SOX5: variants seen among roughly 807,000 people sequenced by gnomAD.
The protein encoded by SOX5 is transcription factor SOX-5.
Under a neutral mutation model 92.0 loss-of-function variants are expected in SOX5, and 9 were observed. The observed-to-expected ratio is 0.10, with a 90% CI of 0.06 to 0.17. SOX5 has a LOEUF of 0.17. Among genes scored for constraint, SOX5 ranks in the 10% least tolerant of loss-of-function variants. The pLI is 1.00. For synonymous variants in SOX5, 344 were observed against 336.3 expected (o/e 1.02, Z -0.25); for missense variants, 642 against 944.5 (o/e 0.68, Z 4.20).
intron 3 of SOX5, among the ~76,000 whole-genome samples, chr12:23,844,959 A>G (rs2136017327): frequency 6.6e-6 from 1 of 152,322 alleles, no homozygotes; most frequent in South Asian, 2.1e-4. Flanking sequence ...TTCTCAGATC[A>G]TGAGAACTGC....
intron 1 of SOX5, among the ~76,000 whole-genome samples, chr12:24,506,361 A>T (rs942263187): frequency 6.6e-6 from 1 of 151,998 alleles, no homozygotes; most frequent in South Asian, 2.1e-4. Flanking sequence ...AAATTTTGAA[A>T]CATTCGAAAA....
At chr12:24,401,962 A>G (rs2136651265) in intron 1 of SOX5, among the ~76,000 whole-genome samples, 1 of 152,264 alleles carries the variant, frequency 6.6e-6, no homozygotes, top group Non-Finnish European at 1.5e-5. Context: ...TACTCACATA[A>G]AGGATTTACA....
In SOX5 at chr12:24,335,721, C is replaced by T. The variant is rs536359478; in HGVS notation, c.-174+32842G>A. On this transcript the variant is annotated intron_variant, in intron 2 of 4. Coordinates refer to the SOX5 transcript ENST00000446891. ...GAAGACAGTGCTGGCATTTTGAAAACCAGGCAAGTGACACTTAGAAATCTA... is the reference window on the plus strand; with the variant it reads ...GAAGACAGTGCTGGCATTTTGAAAATCAGGCAAGTGACACTTAGAAATCTA... Among the ~76,000 whole-genome samples, 7 of 151,964 alleles carry T rather than the reference C, an allele frequency of 4.6e-5. No homozygotes were observed. The East Asian group carries it at 9.7e-4, about 21-fold the overall frequency.
At chr12:23,610,444 C>T (rs1305668470) in intron 8 of SOX5, among the ~76,000 whole-genome samples, 1 of 152,064 alleles carries the variant, frequency 6.6e-6, no homozygotes, top group Non-Finnish European at 1.5e-5. Context: ...CAGTAAACTC[C>T]TTGAAGGCAG....
intron 4 of SOX5, among the ~76,000 whole-genome samples, chr12:24,162,954 T>C (rs1255866698): frequency 6.6e-6 from 1 of 152,094 alleles, no homozygotes; most frequent in Non-Finnish European, 1.5e-5. Flanking sequence ...TGGCCTTTTT[T>C]TGGTTTGTTT....
intron 6 of SOX5, among the ~76,000 whole-genome samples, chr12:23,667,230 G>A (rs2080044175): frequency 6.6e-6 from 1 of 151,990 alleles, no homozygotes; most frequent in African/African-American, 2.4e-5. Context: ...AAGTTTTATT[G>A]GCTATATTGT....
chr12:24,553,964 G>A (rs1428342949), intron 1 of SOX5, among the ~76,000 whole-genome samples: 2 of 152,250 alleles, frequency 1.3e-5, no homozygotes, highest in Non-Finnish European at 2.9e-5. Flanking sequence ...ACGTGGAGAT[G>A]AGGCTGAGAG....
At chr12:24,134,416 C>A (rs963609714) in intron 4 of SOX5, among the ~76,000 whole-genome samples, 3 of 152,174 alleles carry the variant, frequency 2.0e-5, no homozygotes, top group Admixed American at 6.6e-5. Context: ...AGTGGCTTAA[C>A]AATTTCTAGC....
intron 4 of SOX5, among the ~76,000 whole-genome samples, chr12:24,208,927 TTGA>T (rs1958300895): frequency 6.6e-6 from 1 of 152,174 alleles, no homozygotes; most frequent in South Asian, 2.1e-4. Flanking sequence ...ATAACGGTTA[TTGA>T]TGATCTTAGC....
At chr12:23,823,649 T>C (rs1451510920) in intron 3 of SOX5, among the ~76,000 whole-genome samples, 2 of 152,220 alleles carry the variant, frequency 1.3e-5, no homozygotes, top group Non-Finnish European at 2.9e-5. Context: ...TTCCTGAATA[T>C]GAATGTTGGT....
intron 4 of SOX5, among the ~76,000 whole-genome samples, chr12:24,168,457 G>A (rs1222232704): frequency 1.3e-5 from 2 of 152,020 alleles, no homozygotes; most frequent in Admixed American, 1.3e-4. Context: ...AAGATCAATG[G>A]CCTGTAATTT....
At position 24,306,367 on chromosome 12, in the gene SOX5, T is replaced by C. The variant is rs1359931697; in HGVS notation, c.-173-29055A>G. On this transcript the variant is annotated intron_variant, in intron 2 of 4. Transcript: ENST00000446891. Reference sequence around the variant, plus strand: ...TGACTCCAAAAGGACAAATGGGCAATGGCCCTCAATCTATGATTCTGCCAC... The same window carrying C: ...TGACTCCAAAAGGACAAATGGGCAACGGCCCTCAATCTATGATTCTGCCAC... 3.3e-5 allele frequency among the ~76,000 whole-genome samples: 5 copies of C among 152,178 alleles called. No homozygotes were observed. In the East Asian group the frequency reaches 9.6e-4, roughly 29 times the overall value.
At chr12:24,409,418 CA>C (rs1292354326) in intron 1 of SOX5, among the ~76,000 whole-genome samples, 1 of 152,058 alleles carries the variant, frequency 6.6e-6, no homozygotes, top group African/African-American at 2.4e-5. Context: ...ACCTATGTAA[CA>C]AACCTGCACT....
chr12:24,464,854 C>T (rs1021603797), intron 1 of SOX5, among the ~76,000 whole-genome samples: 12 of 152,162 alleles, frequency 7.9e-5, no homozygotes, highest in Non-Finnish European at 1.3e-4. Flanking sequence ...CAAAGGAAAC[C>T]ATGTTAACAT....
At chr12:23,569,374 T>A (rs1263148683) in intron 10 of SOX5, among the ~76,000 whole-genome samples, 1 of 152,148 alleles carries the variant, frequency 6.6e-6, no homozygotes, top group Non-Finnish European at 1.5e-5. Context: ...AAATACAAAA[T>A]TAAAGTTAAA....
chr12:23,827,652 T>G (rs2096253760), intron 3 of SOX5, among the ~76,000 whole-genome samples: 1 of 152,184 alleles, frequency 6.6e-6, no homozygotes. Context: ...ACCAGACAGT[T>G]GCTTGGCACT....
Position 23,734,575 on chromosome 12 carries a change from G to C in SOX5, c.810+109C>G, listed in dbSNP as rs1353983935. 3.7e-6 allele frequency: 3 copies of C among 804,124 alleles called. No homozygotes were observed. In the African/African-American group the frequency reaches 5.2e-5, roughly 14 times the overall value. The allele number at this position is 804,124 out of a possible 1,614,324, so 49.8% of individuals were successfully genotyped here. On this transcript the variant is annotated intron_variant, in intron 6 of 14. Transcript: ENST00000451604. ...AGAGGAGGTGCTATGTCATGAATTAGCTTGAAAGTCATTTTTATTTTGGAG... is the reference window on the plus strand; with the variant it reads ...AGAGGAGGTGCTATGTCATGAATTACCTTGAAAGTCATTTTTATTTTGGAG...
intron 5 of SOX5, among the ~76,000 whole-genome samples, chr12:23,739,324 G>A (rs1257866043): frequency 6.6e-6 from 1 of 152,006 alleles, no homozygotes; most frequent in Non-Finnish European, 1.5e-5. Context: ...TTAACTAATA[G>A]TTCATAGGCA....
intron 1 of SOX5, among the ~76,000 whole-genome samples, chr12:24,490,820 T>G (rs980259735): frequency 1.1e-4 from 17 of 152,190 alleles, no homozygotes; most frequent in African/African-American, 4.1e-4. Context: ...ACTTGAAGCA[T>G]GATACTCTAA....
Sources: allele counts gnomAD v4.1 joint callset (sites outside exome capture counted in the v4.1 genomes callset), GRCh38; gene constraint gnomAD v4.1.1; transcripts MANE v1.5; gene names NCBI Gene and HGNC (gene_info 2026-07-23, HGNC 2026-07-21).